Variants in DNHD1 observed in about 807,000 individuals in gnomAD.
DNHD1 encodes the protein dynein heavy chain domain-containing protein 1.
In DNHD1, 383 loss-of-function variants were observed where a neutral mutation model predicts 458.1. That is an observed-to-expected ratio of 0.84 (90% CI 0.77 to 0.91). The LOEUF (loss-of-function observed/expected upper bound fraction) is 0.91, where lower values mean the gene tolerates loss of function less well. Ranked by LOEUF, DNHD1 falls within the 40% of genes least tolerant of loss-of-function variation. The pLI is 0.00. For synonymous variants in DNHD1, 2,203 were observed against 2,376.9 expected (o/e 0.93, Z 2.13); for missense variants, 5,336 against 5,866.1 (o/e 0.91, Z 2.95).
chr11:6,536,677 T>C (rs1852957990), intron 14 of DNHD1, among the ~76,000 whole-genome samples: 2 of 152,206 alleles, frequency 1.3e-5, no homozygotes, highest in South Asian at 2.1e-4. Flanking sequence ...CATTTTCAGA[T>C]AAAAAGTTTT....
In DNHD1 at chr11:6,564,433, T is replaced by C. The variant is rs1564822961; in HGVS notation, c.10385T>C (p.Leu3462Pro). ...TTCCCACCATTGCGGCGCCAAGAGC[T>C]ACTGGACGAGTGGTTAGCTCTGTGT... ...GPFPPLRRQE[L>P]LDEWLALCRG... Residue 3462 changes from leucine (L) to proline (P), a missense_variant, in exon 32 of 43, where the codon CTA becomes CCA. Physicochemically the swap from Leu to Pro is moderately conservative, Grantham distance 98. Around this residue, in one of 4 missense-constraint regions of DNHD1, gnomAD observed 3,932 missense variants for 4,365.6 expected, o/e 0.90. Coordinates refer to ENST00000254579, the MANE Select transcript of DNHD1 (RefSeq NM_144666.3). 2 of 1,551,682 alleles carry C rather than the reference T, an allele frequency of 1.3e-6. No individual in the cohort carries two copies. Among genetic ancestry groups the C allele is most frequent in the East Asian group, 4.9e-5 (2 of 40,926 alleles).
At chr11:6,540,149 C>T (rs1478559255) in intron 18 of DNHD1, 66 bp downstream of exon 18, 4 of 1,377,268 alleles carry the variant, frequency 2.9e-6, no homozygotes, top group Admixed American at 2.0e-5. Flanking sequence ...CCACCATATC[C>T]ATCAAGGCCT....
chr11:6,549,336 T>C (rs1237280766), intron 24 of DNHD1, among the ~76,000 whole-genome samples: 1 of 152,196 alleles, frequency 6.6e-6, no homozygotes, highest in African/African-American at 2.4e-5. Flanking sequence ...GACATCTCAT[T>C]CTCCTTCACC....
Position 6,528,790 on chromosome 11 carries a change from G to A in DNHD1, c.2103+3G>A. On this transcript the variant is annotated splice_donor_region_variant and intron_variant, in intron 11 of 42. Coordinates refer to ENST00000254579, the MANE Select transcript of DNHD1 (RefSeq NM_144666.3). ...ATATACAACAGGTGCTGCTGGAGGTGAGAACAGTGGTTTAAGGGATAGGGC... is the reference window on the plus strand; with the variant it reads ...ATATACAACAGGTGCTGCTGGAGGTAAGAACAGTGGTTTAAGGGATAGGGC... 1 of 1,551,300 alleles carries A rather than the reference G, an allele frequency of 6.4e-7. No homozygotes were observed. Among genetic ancestry groups the A allele is most frequent in the Non-Finnish European group, 8.7e-7 (1 of 1,146,690 alleles).
Position 6,548,718 on chromosome 11 carries a change from C to G in DNHD1, c.7172C>G (p.Ala2391Gly). 1 of 1,551,660 alleles carries G rather than the reference C, an allele frequency of 6.4e-7. No homozygotes were observed. The highest frequency in any genetic ancestry group is 1.2e-5 in the South Asian group (1 of 84,064). The change falls in exon 24 of 43, where the codon GCA becomes GGA. Residue 2391 changes from alanine to glycine, a missense_variant. By Grantham distance (60) the Ala-to-Gly change is moderately conservative. Transcript: ENST00000254579. This position sits in a 1 kb window ranked among gnomAD's most constrained non-coding sequence, Gnocchi z 4.4. Reference protein sequence around the residue: ...GQPVLLAGEAATGKSAFVEVL... With the variant: ...GQPVLLAGEAGTGKSAFVEVL... ...CCAGTGTTGCTGGCTGGAGAGGCAG[C>G]AACAGGGAAGTCAGCCTTTGTGGAG...
rs1316804390 is a variant in DNHD1, at chr11:6,502,753, G to A, written c.747G>A (p.Arg249=). 1.3e-6 allele frequency: 2 copies of A among 1,587,812 alleles called. No homozygotes were observed. The highest frequency in any genetic ancestry group is 1.7e-6 in the Non-Finnish European group (2 of 1,168,686). ...EVEPVGRKET[R]SQLDYEVPRE... ...TCTCTCCTGATTTTCTGTCACACAG[G>A]TCTCAGCTTGACTATGAAGTTCCCA... Residue 249 remains arginine, a splice_region_variant and synonymous_variant, in exon 4 of 43, where the codon AGG becomes AGA. Coordinates refer to ENST00000254579, the MANE Select transcript of DNHD1 (RefSeq NM_144666.3).
intron 10 of DNHD1, chr11:6,520,694 C>G: frequency 9.7e-7 from 1 of 1,029,352 alleles, no homozygotes; most frequent in Non-Finnish European, 1.2e-6. Context: ...TCATATAGCT[C>G]TTTTTCATTT....
chr11:6,558,245 A>G lies in DNHD1; in HGVS notation c.8950A>G (p.Arg2984Gly), dbSNP rs1416525881. Residue 2984 changes from arginine to glycine, a missense_variant, in exon 25 of 43, where the codon AGG becomes GGG. Physicochemically the swap from Arg to Gly is moderately radical, Grantham distance 125. Around this residue, in one of 4 missense-constraint regions of DNHD1, gnomAD observed 3,932 missense variants for 4,365.6 expected, o/e 0.90. Transcript: ENST00000254579. ...DLDRIGEHLP[R>G]ENLGVKQNIK... ...GGACCGCATTGGAGAACACCTCCCCAGGGAGAACCTTGGTGTCAAACAGAA... is the reference window on the plus strand; with the variant it reads ...GGACCGCATTGGAGAACACCTCCCCGGGGAGAACCTTGGTGTCAAACAGAA... The G allele has an allele frequency of 5.8e-6, 9 of 1,551,692 alleles. No homozygotes were observed. The highest frequency in any genetic ancestry group is 1.4e-5 in the African/African-American group (1 of 73,170).
chr11:6,543,336 C>G (rs1175887505), intron 18 of DNHD1, among the ~76,000 whole-genome samples: 1 of 152,194 alleles, frequency 6.6e-6, no homozygotes, highest in East Asian at 1.9e-4. Context: ...ACTCTTTAAG[C>G]AGCACCAGGG....
At chr11:6,553,150 G>T (rs917510741) in intron 24 of DNHD1, among the ~76,000 whole-genome samples, 4 of 152,110 alleles carry the variant, frequency 2.6e-5, no homozygotes, top group African/African-American at 9.7e-5. Flanking sequence ...CATACAAAAA[G>T]AATAATATCT....
chr11:6,511,981 A>C (rs1852342374), intron 7 of DNHD1, among the ~76,000 whole-genome samples: 2 of 152,118 alleles, frequency 1.3e-5, no homozygotes, highest in Admixed American at 1.3e-4. Flanking sequence ...TTCACACAGG[A>C]CTGTGGCTAA....
rs541562642 is a variant in DNHD1 at position 6,565,054 on chromosome 11, A to G, written c.10756+250A>G. 2.6e-5 allele frequency among the ~76,000 whole-genome samples: 4 copies of G among 152,240 alleles called. No individual in the cohort carries two copies. The South Asian group carries it at 6.2e-4, about 24-fold the overall frequency. The stretch of plus-strand genomic sequence containing the variant: ...CCCTGGTCTACTCAGCACTACCCAA[A>G]TTTATCCAATGTTCAGAAATCCTGG... On this transcript the variant is annotated intron_variant, in intron 32 of 42. Coordinates refer to ENST00000254579, the MANE Select transcript of DNHD1 (RefSeq NM_144666.3).
Position 6,566,320 on chromosome 11 carries a change from G to C in DNHD1, c.11133G>C (p.Leu3711=). The change falls in exon 34 of 43, where the codon CTG becomes CTC. Residue 3711 remains leucine (L), a synonymous_variant. Transcript: ENST00000254579. ...ELQWLLQREQ[L]SPPQVQPGFC... The stretch of plus-strand genomic sequence containing the variant: ...AATGGCTGCTGCAACGGGAGCAGCT[G>C]AGTCCACCCCAGGTGCAGCCTGGCT... The C allele has an allele frequency of 6.4e-7, 1 of 1,552,506 alleles. No homozygotes were observed. Among genetic ancestry groups the C allele is most frequent in the Non-Finnish European group, 8.7e-7 (1 of 1,147,494 alleles).
chr11:6,562,733 G>A (rs545786806), intron 28 of DNHD1, among the ~76,000 whole-genome samples: 4 of 152,230 alleles, frequency 2.6e-5, no homozygotes, highest in Non-Finnish European at 4.4e-5. Context: ...ACTGTTACAC[G>A]CATAGTCTTC....
At position 6,528,404 on chromosome 11, in the gene DNHD1, G is replaced by GTGTGTGT. The variant is rs1852755294; in HGVS notation, c.1838-118_1838-117insTGTGTGT. 4.3e-5 allele frequency: 38 copies of GTGTGTGT among 881,194 alleles called. No individual in the cohort carries two copies. In the South Asian group the frequency reaches 6.0e-4, roughly 14 times the overall value. 54.6% of individuals were successfully genotyped at this position (881,194 alleles called of 1,614,324 possible). The stretch of plus-strand genomic sequence containing the variant: ...TTAACTCACTCATGAGCAGCGAATG[G>GTGTGTGT]GTGTGTGTGTGTGTGTGTGTGTGTG... On this transcript the variant is annotated intron_variant, in intron 10 of 42. Transcript: ENST00000254579.
rs1459177206 is a variant in DNHD1, at chr11:6,571,812, G to A, written c.14088G>A (p.Leu4696=). The A allele has an allele frequency of 2.5e-6, 4 of 1,613,992 alleles. No homozygotes were observed. Among genetic ancestry groups the A allele is most frequent in the Admixed American group, 3.3e-5 (2 of 60,022 alleles). The change falls in exon 43 of 43, where the codon CTG becomes CTA. Residue 4696 remains leucine (L), a synonymous_variant. Coordinates refer to ENST00000254579, the MANE Select transcript of DNHD1 (RefSeq NM_144666.3). This position sits in a 1 kb window ranked among gnomAD's most constrained non-coding sequence, Gnocchi z 5.0. ...ISTQAPGTSD[L]PAPADLTVYS... Reference sequence around the variant, plus strand: ...CACAGGCCCCGGGCACCAGTGACCTGCCAGCCCCAGCCGACCTGACTGTGT... The same window carrying A: ...CACAGGCCCCGGGCACCAGTGACCTACCAGCCCCAGCCGACCTGACTGTGT...
Position 6,538,374 on chromosome 11 carries a change from C to T in DNHD1, c.2999-9C>T, listed in dbSNP as rs947248093. On this transcript the variant is annotated splice_polypyrimidine_tract_variant and intron_variant, in intron 14 of 42. Transcript: ENST00000254579. ...GTAGCCCAGGTCTCAAGTCAGCCCT[C>T]CCCCACAGAGGATGAGACTCCTGTG... 1.3e-6 allele frequency: 2 copies of T among 1,551,554 alleles called. No homozygotes were observed. Among genetic ancestry groups the T allele is most frequent in the East Asian group, 2.4e-5 (1 of 40,934 alleles).
intron 32 of DNHD1, among the ~76,000 whole-genome samples, chr11:6,565,339 A>G (rs1853674560): frequency 6.6e-6 from 1 of 152,214 alleles, no homozygotes; most frequent in Admixed American, 6.5e-5. Flanking sequence ...GCAGAAGAAA[A>G]GGCATAGAAA....
At chr11:6,538,338 C>T in intron 14 of DNHD1, 45 bp from the exon 15 acceptor site, 2 of 1,549,380 alleles carry the variant, frequency 1.3e-6, no homozygotes, top group African/African-American at 2.7e-5. Flanking sequence ...ACCCCCCTCC[C>T]AACACTGCAA....
Sources: allele counts gnomAD v4.1 joint callset (sites outside exome capture counted in the v4.1 genomes callset), GRCh38; gene constraint gnomAD v4.1.1; regional missense constraint gnomAD v4.1.1; non-coding constraint Gnocchi (gnomAD v3.1); transcripts MANE v1.5; gene names NCBI Gene and HGNC (gene_info 2026-07-23, HGNC 2026-07-21).